MPRIP: variants seen among roughly 807,000 people sequenced by gnomAD.
MPRIP encodes the protein myosin phosphatase Rho-interacting protein.
Under a neutral mutation model 234.9 loss-of-function variants are expected in MPRIP, and 59 were observed. The observed-to-expected ratio is 0.25, with a 90% CI of 0.20 to 0.31. The LOEUF (loss-of-function observed/expected upper bound fraction) is 0.31. Among genes scored for constraint, MPRIP ranks in the 10% least tolerant of loss-of-function variants. The pLI, the probability that MPRIP is intolerant of heterozygous loss-of-function variation, is 1.00. For synonymous variants in MPRIP, 1,144 were observed against 1,263.9 expected (o/e 0.91, Z 2.01); for missense variants, 2,436 against 3,071.0 (o/e 0.79, Z 4.89).
intron 11 of MPRIP, chr17:17,149,860 C>T (rs1386501683): frequency 4.8e-6 from 1 of 208,392 alleles, no homozygotes; most frequent in Non-Finnish European, 9.6e-6. Context: ...AGAAGCTCTT[C>T]TAGGGCCACC....
At position 17,131,669 on chromosome 17, in the gene MPRIP, A is replaced by G; in HGVS notation, c.472A>G (p.Lys158Glu). 6.2e-7 allele frequency: 1 copy of G among 1,614,204 alleles called. No individual in the cohort carries two copies. Among genetic ancestry groups the G allele is most frequent in the Non-Finnish European group, 8.5e-7 (1 of 1,180,028 alleles). ...CCGGACCAACAAGCAGAATCAGAAG[A>G]AGAAACGGAAAGTGGAGCCCCCCAC... ...YPRTNKQNQK[K>E]KRKVEPPTPQ... The change falls in exon 5 of 24, where the codon AAG becomes GAG. Residue 158 changes from lysine (K) to glutamate (E), a missense_variant. Around this residue, in one of 4 missense-constraint regions of MPRIP, gnomAD observed 31 missense variants for 90.7 expected, o/e 0.34. Transcript: ENST00000651222.
At chr17:17,088,619 C>G (rs908581785) in intron 3 of MPRIP, among the ~76,000 whole-genome samples, 4 of 152,174 alleles carry the variant, frequency 2.6e-5, no homozygotes, top group Admixed American at 1.3e-4. Flanking sequence ...GCAAAGTCCC[C>G]CAGGGGCACA....
chr17:17,070,922 A>G (rs980195891), intron 1 of MPRIP, among the ~76,000 whole-genome samples: 2 of 152,234 alleles, frequency 1.3e-5, no homozygotes, highest in African/African-American at 2.4e-5. Flanking sequence ...GGGAGTCACC[A>G]TGACCACCTG....
At chr17:17,178,076 A>G (rs1597520325) in intron 22 of MPRIP, among the ~76,000 whole-genome samples, 1 of 152,094 alleles carries the variant, frequency 6.6e-6, no homozygotes, top group East Asian at 1.9e-4. Context: ...GTGCACCACA[A>G]AACACCTGGC....
chr17:17,117,293 G>A (rs1248467415), intron 3 of MPRIP, among the ~76,000 whole-genome samples: 2 of 152,250 alleles, frequency 1.3e-5, no homozygotes, highest in Admixed American at 6.5e-5. Context: ...AGTATCGTTT[G>A]TAGTCTTGTG....
chr17:17,136,474 G>A, intron 6 of MPRIP, 24 bp downstream of exon 6: 2 of 1,593,500 alleles, frequency 1.3e-6, no homozygotes, highest in African/African-American at 1.3e-5. Flanking sequence ...AGGCTGGCTT[G>A]TATGCACGGG....
chr17:17,109,014 AG>A (rs1215435273), intron 3 of MPRIP, among the ~76,000 whole-genome samples: 4 of 152,172 alleles, frequency 2.6e-5, no homozygotes, highest in Non-Finnish European at 4.4e-5. Context: ...GATTTCTGAA[AG>A]CGCTCAAACA....
intron 1 of MPRIP, among the ~76,000 whole-genome samples, chr17:17,046,869 C>T (rs961178332): frequency 3.9e-5 from 6 of 152,212 alleles, no homozygotes; most frequent in African/African-American, 1.2e-4. Context: ...GAATGAGTTA[C>T]TGTGTTCCAG....
At chr17:17,076,562 A>G (rs4073688) in intron 2 of MPRIP, among the ~76,000 whole-genome samples, 36,238 of 152,114 alleles carry the variant, frequency 0.24, 7,933 homozygotes, top group African/African-American at 0.58. Context: ...GATTGCTTCT[A>G]GAATGGGTTT....
chr17:17,063,598 C>G (rs2088931001), intron 1 of MPRIP, among the ~76,000 whole-genome samples: 1 of 152,122 alleles, frequency 6.6e-6, no homozygotes, highest in African/African-American at 2.4e-5. Flanking sequence ...GAGGCCTGCC[C>G]TCTTTGGTGC....
At chr17:17,093,343 G>A (rs1222073515) in intron 3 of MPRIP, among the ~76,000 whole-genome samples, 1 of 152,164 alleles carries the variant, frequency 6.6e-6, no homozygotes, top group Non-Finnish European at 1.5e-5. Context: ...TTCCAATGAA[G>A]AATTTTATGT....
At chr17:17,168,905 A>C (rs1450620828) in intron 16 of MPRIP, 1 of 456,612 alleles carries the variant, frequency 2.2e-6, no homozygotes, top group South Asian at 1.5e-5. Context: ...GCTCCTGCCT[A>C]CACATCCTCA....
chr17:17,113,893 T>C (rs1356893348), intron 3 of MPRIP, among the ~76,000 whole-genome samples: 6 of 144,316 alleles, frequency 4.2e-5, no homozygotes. Flanking sequence ...TTCTTTTTTT[T>C]TTTTTTTTTT....
intron 1 of MPRIP, among the ~76,000 whole-genome samples, chr17:17,061,185 G>A (rs2088857017): frequency 6.6e-6 from 1 of 152,232 alleles, no homozygotes; most frequent in Non-Finnish European, 1.5e-5. Flanking sequence ...GACACACAAG[G>A]TCTTGGCAGG....
chr17:17,152,299 C>T (rs2045620475), intron 12 of MPRIP, among the ~76,000 whole-genome samples: 1 of 152,258 alleles, frequency 6.6e-6, no homozygotes, highest in Admixed American at 6.5e-5. Context: ...GCCTCCTCTC[C>T]TGCCGTCCAC....
intron 12 of MPRIP, among the ~76,000 whole-genome samples, chr17:17,150,924 C>T (rs562296296): frequency 6.6e-6 from 1 of 152,082 alleles, no homozygotes; most frequent in Non-Finnish European, 1.5e-5. Context: ...TGGCTCACTG[C>T]AGGCTCGAAA....
At chr17:17,137,151 C>G (rs2090718118) in intron 6 of MPRIP, among the ~76,000 whole-genome samples, 1 of 152,152 alleles carries the variant, frequency 6.6e-6, no homozygotes. Context: ...CCTATCCATT[C>G]AAAAATCTAT....
intron 4 of MPRIP, among the ~76,000 whole-genome samples, chr17:17,127,545 A>T (rs565292240): frequency 2.8e-4 from 42 of 152,318 alleles, no homozygotes; most frequent in African/African-American, 9.9e-4. Context: ...TTTGCTACCC[A>T]CATGGCCTGG....
chr17:17,132,298 C>T (rs1340575604), intron 5 of MPRIP, among the ~76,000 whole-genome samples: 2 of 152,212 alleles, frequency 1.3e-5, no homozygotes, highest in South Asian at 2.1e-4. Context: ...TCCCCACGTT[C>T]CTGGGGCCAT....
Sources: allele counts gnomAD v4.1 joint callset (sites outside exome capture counted in the v4.1 genomes callset), GRCh38; gene constraint gnomAD v4.1.1; regional missense constraint gnomAD v4.1.1; transcripts MANE v1.5; gene names NCBI Gene and HGNC (gene_info 2026-07-23, HGNC 2026-07-21).